LPIN1: variants seen among roughly 807,000 people sequenced by gnomAD.
LPIN1 encodes phosphatidate phosphatase LPIN1.
A neutral mutation model predicts 107.5 loss-of-function variants in LPIN1; 71 were observed. The ratio of observed to expected loss-of-function variants is 0.66; its 90% CI spans 0.55 to 0.80. The LOEUF is 0.80. Among genes scored for constraint, LPIN1 ranks in the 30% least tolerant of loss-of-function variants. The probability of loss-of-function intolerance (pLI) is 0.00; values close to 1 mark genes in which losing one functional copy is unlikely to be tolerated. For synonymous variants in LPIN1, 445 were observed against 452.6 expected (o/e 0.98, Z 0.21); for missense variants, 1,043 against 1,160.6 (o/e 0.90, Z 1.47).
intron 1 of LPIN1, among the ~76,000 whole-genome samples, chr2:11,755,911 C>T (rs546513002): frequency 3.9e-5 from 6 of 152,074 alleles, no homozygotes; most frequent in South Asian, 2.1e-4. Flanking sequence ...TTAGTAGAGA[C>T]GTGGTTTCAC....
At chr2:11,712,504 G>T (rs1244819353) in intron 1 of LPIN1, among the ~76,000 whole-genome samples, 3 of 152,156 alleles carry the variant, frequency 2.0e-5, no homozygotes, top group African/African-American at 4.8e-5. Context: ...GACAAGATTT[G>T]CATCTCATTT....
At chr2:11,815,509 G>A (rs893381748) in intron 18 of LPIN1, among the ~76,000 whole-genome samples, 3 of 151,914 alleles carry the variant, frequency 2.0e-5, no homozygotes, top group Admixed American at 1.3e-4. Context: ...TGTTTCTCTC[G>A]TCTCTACATC....
chr2:11,738,748 A>C (rs899667597), intron 1 of LPIN1, among the ~76,000 whole-genome samples: 2 of 152,194 alleles, frequency 1.3e-5, no homozygotes. Flanking sequence ...CGGGAGGCCA[A>C]GGGAGCTAGA....
chr2:11,783,966 A>G (rs1454398309), intron 9 of LPIN1, 44 bp downstream of exon 9: 3 of 1,613,156 alleles, frequency 1.9e-6, no homozygotes, highest in Admixed American at 3.3e-5. Context: ...TATAATCTGA[A>G]TATCATTCTG....
chr2:11,753,276 A>G (rs1200809301), intron 1 of LPIN1, among the ~76,000 whole-genome samples: 1 of 152,186 alleles, frequency 6.6e-6, no homozygotes, highest in Admixed American at 6.5e-5. Context: ...AAGTATTGAA[A>G]GACCTTTAAA....
At chr2:11,791,625 A>G in intron 12 of LPIN1, 1 of 1,258,092 alleles carries the variant, frequency 7.9e-7, no homozygotes, top group Non-Finnish European at 1.0e-6. Flanking sequence ...ATCACTAATG[A>G]TTTCTAATGC....
At position 11,788,415 on chromosome 2, in the gene LPIN1, C is replaced by T. The variant is rs918384181; in HGVS notation, c.1672C>T (p.Leu558Phe). The stretch of plus-strand genomic sequence containing the variant: ...TTATAACTGGACAACAGCAGCACCC[C>T]TCCTCCTGGCAATGCAGGCCTTCCA... ...KYYNWTTAAPLLLAMQAFQKP... is the reference protein window; with the variant it reads ...KYYNWTTAAPFLLAMQAFQKP... The change falls in exon 12 of 21, where the codon CTC (leucine) becomes TTC (phenylalanine). Residue 558 changes from leucine to phenylalanine, a missense_variant. By Grantham distance (22) the Leu-to-Phe change is conservative (BLOSUM62 0). Coordinates refer to ENST00000674199, the MANE Select transcript of LPIN1 (RefSeq NM_001349206.2). The T allele has an allele frequency of 6.2e-7, 1 of 1,614,024 alleles. No homozygotes were observed. Among genetic ancestry groups the T allele is most frequent in the South Asian group, 1.1e-5 (1 of 91,088 alleles).
At chr2:11,731,129 T>C (rs1665150088) in intron 1 of LPIN1, among the ~76,000 whole-genome samples, 2 of 152,188 alleles carry the variant, frequency 1.3e-5, no homozygotes, top group South Asian at 4.1e-4. Flanking sequence ...TTTACATAGG[T>C]ATACATGTGC....
chr2:11,725,989 G>C (rs1200433089), intron 1 of LPIN1, among the ~76,000 whole-genome samples: 1 of 152,204 alleles, frequency 6.6e-6, no homozygotes, highest in Non-Finnish European at 1.5e-5. Context: ...GCCCCACCTT[G>C]AGCCTGTGTG....
At chr2:11,702,265 A>G (rs981696738) in intron 1 of LPIN1, among the ~76,000 whole-genome samples, 1 of 152,198 alleles carries the variant, frequency 6.6e-6, no homozygotes, top group African/African-American at 2.4e-5. Context: ...AAACGGGCTT[A>G]GGGCTGGCTA....
intron 1 of LPIN1, among the ~76,000 whole-genome samples, chr2:11,746,961 A>C (rs1667045235): frequency 2.6e-5 from 4 of 152,158 alleles, no homozygotes. Flanking sequence ...GGCTTGGCTG[A>C]TCTCGAGCGG....
At chr2:11,820,377 A>G (rs369787907) in intron 19 of LPIN1, 34 bp from the exon 20 acceptor site, 2 of 1,383,810 alleles carry the variant, frequency 1.4e-6, no homozygotes, top group Non-Finnish European at 2.1e-6. Context: ...ACTCTTTTCT[A>G]ATGAACACTT....
rs200394034 is a variant in LPIN1 at position 11,802,944 on chromosome 2, G to C, written c.1924G>C (p.Ala642Pro). 4 of 1,613,396 alleles carry C rather than the reference G, an allele frequency of 2.5e-6. No homozygotes were observed. Among genetic ancestry groups the C allele is most frequent in the East Asian group, 4.5e-5 (2 of 44,880 alleles). ...HESSSSDEER[A>P]AAKPSNAGHL... ...ATCATCCTCCAGTGATGAGGAGCGC[G>C]CAGCTGCCAAGCCATCAAACGCAGG... is the stretch of plus-strand genomic sequence containing the variant. The change falls in exon 15 of 21, where the codon GCA becomes CCA. Residue 642 changes from alanine (A) to proline (P), a missense_variant. By Grantham distance (27) the Ala-to-Pro change is conservative. Transcript: ENST00000674199.
At chr2:11,691,794 C>A (rs537773532) in intron 1 of LPIN1, among the ~76,000 whole-genome samples, 3 of 152,318 alleles carry the variant, frequency 2.0e-5, no homozygotes, top group African/African-American at 7.2e-5. Context: ...GCATGAGAAG[C>A]CTCCATCCAA....
At chr2:11,704,882 T>A (rs1178252882) in intron 1 of LPIN1, among the ~76,000 whole-genome samples, 7 of 152,208 alleles carry the variant, frequency 4.6e-5, no homozygotes, top group African/African-American at 1.7e-4. Context: ...CACTGGACAC[T>A]GGGGACTAGC....
intron 7 of LPIN1, among the ~76,000 whole-genome samples, chr2:11,781,958 T>A (rs1189693877): frequency 1.3e-5 from 2 of 152,278 alleles, no homozygotes; most frequent in Admixed American, 1.3e-4. Context: ...CTCCTGCCTG[T>A]TGGCATTGCT....
chr2:11,731,838 T>TC (rs1665267101), intron 1 of LPIN1, among the ~76,000 whole-genome samples: 1 of 152,044 alleles, frequency 6.6e-6, no homozygotes, highest in Non-Finnish European at 1.5e-5. Context: ...GAGTTTTTTT[T>TC]TTTCATATGT....
chr2:11,806,038 C>A (rs899483947), intron 17 of LPIN1, among the ~76,000 whole-genome samples: 2 of 152,190 alleles, frequency 1.3e-5, no homozygotes, highest in Non-Finnish European at 2.9e-5. Context: ...CCAGTTAGAG[C>A]TGGAAGGTGC....
At chr2:11,700,039 T>G (rs1662789706) in intron 1 of LPIN1, among the ~76,000 whole-genome samples, 1 of 152,216 alleles carries the variant, frequency 6.6e-6, no homozygotes, top group African/African-American at 2.4e-5. Flanking sequence ...AGGTGTGTCT[T>G]TCTTTGATTG....
Sources: gnomAD v4.1 joint callset for allele counts (sites outside exome capture counted in the v4.1 genomes callset) on GRCh38, gnomAD v4.1.1 for gene constraint, MANE v1.5 for transcripts, NCBI Gene and HGNC (gene_info 2026-07-23, HGNC 2026-07-21) for gene names.